CYP7B1: variants seen among roughly 807,000 people sequenced by gnomAD.
CYP7B1 encodes the protein cytochrome P450 family 7 subfamily B member 1, also known as cytochrome P450 7B1.
CYP7B1 carries 29 observed loss-of-function variants against 42.7 expected under a neutral mutation model. The observed-to-expected ratio is 0.68, with a 90% CI of 0.51 to 0.93. The LOEUF is 0.93. Among genes scored for constraint, CYP7B1 ranks in the 40% least tolerant of loss-of-function variants. The probability of loss-of-function intolerance (pLI) is 0.00; values close to 1 mark genes in which losing one functional copy is unlikely to be tolerated. For synonymous variants in CYP7B1, 235 were observed against 218.2 expected, an observed-to-expected ratio of 1.08 and a Z score of -0.68; for missense variants, 655 against 600.5, an observed-to-expected ratio of 1.09 and a Z score of -0.95.
chr8:64,723,760 T>C (rs1225966753), intron 1 of CYP7B1, among the ~76,000 whole-genome samples: 3 of 151,932 alleles, frequency 2.0e-5, no homozygotes, highest in Admixed American at 2.0e-4. Flanking sequence ...AAATCATATA[T>C]AATCAAAGAT....
At chr8:64,760,924 C>A (rs565507921) in intron 1 of CYP7B1, among the ~76,000 whole-genome samples, 1 of 152,202 alleles carries the variant, frequency 6.6e-6, no homozygotes, top group Non-Finnish European at 1.5e-5. Context: ...GCATTATTCA[C>A]AACAGACAAG....
intron 1 of CYP7B1, among the ~76,000 whole-genome samples, chr8:64,752,967 A>G (rs34248744): frequency 0.11 from 16,011 of 152,206 alleles, 1,114 homozygotes; most frequent in Non-Finnish European, 0.16. Context: ...GAAAGTTGAG[A>G]GAACACACAG....
chr8:64,740,395 T>C (rs1000207758), intron 1 of CYP7B1, among the ~76,000 whole-genome samples: 2 of 151,778 alleles, frequency 1.3e-5, no homozygotes, highest in Non-Finnish European at 1.5e-5. Context: ...GCATAAATTA[T>C]AAAAGAAGAT....
intron 1 of CYP7B1, among the ~76,000 whole-genome samples, chr8:64,626,781 TA>T (rs1805616170): frequency 6.6e-6 from 1 of 152,192 alleles, no homozygotes; most frequent in African/African-American, 2.4e-5. Context: ...AACAGATATT[TA>T]AAAGAACTCT....
At chr8:64,613,802 T>C (rs1355821545) in intron 4 of CYP7B1, among the ~76,000 whole-genome samples, 1 of 152,176 alleles carries the variant, frequency 6.6e-6, no homozygotes, top group Non-Finnish European at 1.5e-5. Flanking sequence ...TCTGGCATTG[T>C]CTCAATGGGC....
rs1585859743 is a variant in CYP7B1 at position 64,692,552 on chromosome 8, T to TC, written c.123-68014_123-68013insG. 2.0e-5 allele frequency among the ~76,000 whole-genome samples: 3 copies of TC among 152,304 alleles called. No homozygotes were observed. The South Asian group carries it at 6.2e-4, about 32-fold the overall frequency. On this transcript the variant is annotated intron_variant, in intron 1 of 5. Transcript: ENST00000310193. ...GAACAGAATCTAGATCACAGTGGGC[T>TC]GAGAGGATCACAGGTATAATTACGT...
At chr8:64,753,529 G>A (rs910845340) in intron 1 of CYP7B1, among the ~76,000 whole-genome samples, 9 of 152,170 alleles carry the variant, frequency 5.9e-5, no homozygotes, top group African/African-American at 2.2e-4. Context: ...CAGACCACTG[G>A]GATTGAGGTA....
At chr8:64,606,306 G>T (rs1016621615) in intron 4 of CYP7B1, among the ~76,000 whole-genome samples, 2 of 152,216 alleles carry the variant, frequency 1.3e-5, no homozygotes, top group African/African-American at 4.8e-5. Context: ...TCAGCTGGCA[G>T]AACACCAAGG....
downstream of CYP7B1, among the ~76,000 whole-genome samples, chr8:64,587,195 C>A (rs1022818103): frequency 2.0e-5 from 3 of 152,142 alleles, no homozygotes; most frequent in Non-Finnish European, 4.4e-5. Context: ...CAAATGACGT[C>A]CACGCAGCAC....
chr8:64,632,081 C>T (rs756617890), intron 1 of CYP7B1, among the ~76,000 whole-genome samples: 21 of 151,896 alleles, frequency 1.4e-4, no homozygotes, highest in Non-Finnish European at 2.4e-4. Context: ...GGATATTTAT[C>T]GAAAAGAATG....
Position 64,798,508 on chromosome 8 carries a change from G to GCCGCGGCGAGGGCCAGGC in CYP7B1, c.62_79dup (p.Gly21_Ala26dup), listed in dbSNP as rs1563432720. 2 of 1,507,944 alleles carry GCCGCGGCGAGGGCCAGGC rather than the reference G, an allele frequency of 1.3e-6. No individual in the cohort carries two copies. Among genetic ancestry groups the GCCGCGGCGAGGGCCAGGC allele is most frequent in the Admixed American group, 2.1e-5 (1 of 47,658 alleles). The allele number at this position is 1,507,944 out of a possible 1,614,324, so 93.4% of individuals were successfully genotyped here. ...CAAGCAGAGGGCCAGGAGCAGCAGG[G>GCCGCGGCGAGGGCCAGGC]CCGCGGCGAGGGCCAGGCCCGGGAG... On this transcript the variant is annotated inframe_insertion, in exon 1 of 6. Transcript: ENST00000310193.
At chr8:64,633,547 T>C (rs1245555900) in intron 1 of CYP7B1, among the ~76,000 whole-genome samples, 1 of 152,202 alleles carries the variant, frequency 6.6e-6, no homozygotes, top group Non-Finnish European at 1.5e-5. Flanking sequence ...TGAAAAAATT[T>C]ATTCTTAGGT....
chr8:64,703,379 CTCT>C (rs1211688481), intron 1 of CYP7B1, among the ~76,000 whole-genome samples: 1 of 152,026 alleles, frequency 6.6e-6, no homozygotes, highest in African/African-American at 2.4e-5. Flanking sequence ...TGATATTCTA[CTCT>C]TCTTATAAAA....
chr8:64,723,258 G>A (rs867382919), intron 1 of CYP7B1, among the ~76,000 whole-genome samples: 3 of 152,078 alleles, frequency 2.0e-5, no homozygotes, highest in African/African-American at 7.2e-5. Flanking sequence ...AGTATATGGA[G>A]GAACCATACA....
chr8:64,604,437 T>C (rs768120408), intron 5 of CYP7B1, among the ~76,000 whole-genome samples: 1 of 152,256 alleles, frequency 6.6e-6, no homozygotes, highest in Non-Finnish European at 1.5e-5. Flanking sequence ...TCCACTTCAT[T>C]TGAAGCAACT....
intron 1 of CYP7B1, among the ~76,000 whole-genome samples, chr8:64,759,941 G>A (rs1448535319): frequency 1.3e-5 from 2 of 152,048 alleles, no homozygotes; most frequent in Non-Finnish European, 2.9e-5. Flanking sequence ...TTAAGCCCAA[G>A]AGAGGATCAA....
At chr8:64,688,857 T>TTC (rs1806696473) in intron 1 of CYP7B1, among the ~76,000 whole-genome samples, 1 of 152,150 alleles carries the variant, frequency 6.6e-6, no homozygotes, top group African/African-American at 2.4e-5. Flanking sequence ...ACCTGGGAGA[T>TTC]GGAGGCTGCA....
At chr8:64,625,791 C>T (rs1291594084) in intron 1 of CYP7B1, among the ~76,000 whole-genome samples, 1 of 151,874 alleles carries the variant, frequency 6.6e-6, no homozygotes, top group East Asian at 1.9e-4. Flanking sequence ...ATTTTAAATT[C>T]CAACTCATGT....
At chr8:64,713,956 T>G (rs1418473145) in intron 1 of CYP7B1, among the ~76,000 whole-genome samples, 1 of 152,220 alleles carries the variant, frequency 6.6e-6, no homozygotes, top group East Asian at 1.9e-4. Flanking sequence ...CTGCTTTAAA[T>G]GCTTTGCAGG....
Sources: gnomAD v4.1 joint callset for allele counts (sites outside exome capture counted in the v4.1 genomes callset) on GRCh38, gnomAD v4.1.1 for gene constraint, MANE v1.5 for transcripts, NCBI Gene and HGNC (gene_info 2026-07-23, HGNC 2026-07-21) for gene names.